TMPRSS12: variants seen among roughly 807,000 people sequenced by gnomAD.
TMPRSS12 encodes the protein transmembrane serine protease 12.
A neutral mutation model predicts 26.0 loss-of-function variants in TMPRSS12; 25 were observed. The observed-to-expected ratio is 0.96, with a 90% confidence interval of 0.70 to 1.34. The LOEUF (loss-of-function observed/expected upper bound fraction) is 1.34. Among genes scored for constraint, TMPRSS12 ranks in the 40% most tolerant of loss-of-function variants. The probability of loss-of-function intolerance (pLI) is 0.00; values close to 1 mark genes in which losing one functional copy is unlikely to be tolerated. For missense variants in TMPRSS12, 441 were observed against 440.1 expected, an observed-to-expected ratio of 1.00 and a Z score of -0.02; for synonymous variants, 150 against 161.7, an observed-to-expected ratio of 0.93 and a Z score of 0.55.
intron 3 of TMPRSS12, 26 bp from the exon 4 acceptor site, chr12:50,885,219 TA>T: frequency 1.3e-6 from 2 of 1,553,972 alleles, no homozygotes; most frequent in East Asian, 4.5e-5. Context: ...TGCTCCAAGA[TA>T]ACTTACTGGT....
intron 3 of TMPRSS12, among the ~76,000 whole-genome samples, chr12:50,873,811 A>T (rs1359340444): frequency 1.3e-5 from 2 of 152,222 alleles, no homozygotes; most frequent in Middle Eastern, 3.2e-3. Context: ...TGTCAGTAGT[A>T]GCAAGACAGA....
At chr12:50,843,338 T>C (rs959040900) in intron 1 of TMPRSS12, among the ~76,000 whole-genome samples, 187 bp downstream of exon 1, 4 of 152,206 alleles carry the variant, frequency 2.6e-5, no homozygotes, top group Admixed American at 2.6e-4. Context: ...ACATTTGTAT[T>C]GTGAATCTGT....
chr12:50,843,386 A>G (rs1937733577), intron 1 of TMPRSS12, among the ~76,000 whole-genome samples: 1 of 152,154 alleles, frequency 6.6e-6, no homozygotes, highest in South Asian at 2.1e-4. Context: ...TATCATCCCC[A>G]TTTTATAGAT....
At chr12:50,879,244 G>A (rs1938141938) in intron 3 of TMPRSS12, among the ~76,000 whole-genome samples, 2 of 152,104 alleles carry the variant, frequency 1.3e-5, no homozygotes, top group Non-Finnish European at 2.9e-5. Context: ...TTGAGTCATT[G>A]GATTAGGCGA....
intron 3 of TMPRSS12, among the ~76,000 whole-genome samples, chr12:50,862,974 C>G (rs888146343): frequency 1.3e-5 from 2 of 151,884 alleles, no homozygotes; most frequent in African/African-American, 4.8e-5. Flanking sequence ...GGGAGGACTG[C>G]TTGAGGCCAG....
chr12:50,874,361 A>G lies in TMPRSS12; in HGVS notation c.653-10885A>G, dbSNP rs1458998267. The stretch of plus-strand genomic sequence containing the variant: ...ATACAGCAACATATAAAAAAGGATT[A>G]TATACACTACCTAGTGGAATTTCTT... On this transcript the variant is annotated intron_variant, in intron 3 of 4. Transcript: ENST00000398458. 3.3e-5 allele frequency among the ~76,000 whole-genome samples: 5 copies of G among 152,180 alleles called. No individual in the cohort carries two copies. In the East Asian group the frequency reaches 9.6e-4, roughly 29 times the overall value.
At chr12:50,855,114 C>T (rs1937863292) in intron 2 of TMPRSS12, among the ~76,000 whole-genome samples, 1 of 152,148 alleles carries the variant, frequency 6.6e-6, no homozygotes, top group African/African-American at 2.4e-5. Flanking sequence ...CAAAAACAGA[C>T]ACACAGACCA....
At chr12:50,864,653 T>C (rs1238865251) in intron 3 of TMPRSS12, among the ~76,000 whole-genome samples, 2 of 152,130 alleles carry the variant, frequency 1.3e-5, no homozygotes, top group Non-Finnish European at 2.9e-5. Flanking sequence ...AATAGACTAT[T>C]GTTTTGTTTT....
chr12:50,861,022 G>A (rs1937929466), intron 3 of TMPRSS12, among the ~76,000 whole-genome samples: 1 of 152,098 alleles, frequency 6.6e-6, no homozygotes, highest in Admixed American at 6.6e-5. Context: ...GGGTTTATAG[G>A]CATGAGCACC....
intron 3 of TMPRSS12, among the ~76,000 whole-genome samples, chr12:50,865,149 T>C (rs1937979148): frequency 6.6e-6 from 1 of 151,976 alleles, no homozygotes. Context: ...CTAGCCAACA[T>C]GGTGAAACCC....
intron 3 of TMPRSS12, among the ~76,000 whole-genome samples, chr12:50,861,884 AT>A (rs953676275): frequency 1.3e-5 from 2 of 150,002 alleles, no homozygotes; most frequent in African/African-American, 4.9e-5. Flanking sequence ...ATCTCGGCTC[AT>A]TGCAACCTTT....
chr12:50,858,109 T>C (rs1044399085), intron 2 of TMPRSS12, among the ~76,000 whole-genome samples: 2 of 152,254 alleles, frequency 1.3e-5, no homozygotes, highest in African/African-American at 4.8e-5. Flanking sequence ...CCCAAAGTGC[T>C]GGGATTACAG....
At chr12:50,886,245 A>G (rs1938225165) in intron 4 of TMPRSS12, 1 of 152,074 alleles carries the variant, frequency 6.6e-6, no homozygotes, top group Non-Finnish European at 1.5e-5. Flanking sequence ...CCCATTCTGT[A>G]GACTGTTTTT....
chr12:50,875,006 T>A (rs949068884), intron 3 of TMPRSS12, among the ~76,000 whole-genome samples: 1 of 152,186 alleles, frequency 6.6e-6, no homozygotes, highest in Non-Finnish European at 1.5e-5. Flanking sequence ...ATAATGTCCA[T>A]ACTGCCCAAA....
intron 2 of TMPRSS12, among the ~76,000 whole-genome samples, chr12:50,853,538 T>G (rs1361661598): frequency 6.8e-6 from 1 of 148,144 alleles, no homozygotes; most frequent in East Asian, 1.9e-4. Context: ...CCAAAAGTTT[T>G]TTGAAAGAAT....
chr12:50,883,425 C>T (rs1938194698), intron 3 of TMPRSS12, among the ~76,000 whole-genome samples: 1 of 152,190 alleles, frequency 6.6e-6, no homozygotes, highest in African/African-American at 2.4e-5. Context: ...TGGTGGTTCA[C>T]ACCTGTAATT....
chr12:50,863,607 A>G (rs998619423), intron 3 of TMPRSS12, among the ~76,000 whole-genome samples: 2 of 152,240 alleles, frequency 1.3e-5, no homozygotes, highest in African/African-American at 4.8e-5. Context: ...GGTATGAACG[A>G]TTGATAGATG....
At chr12:50,849,759 G>C (rs1937807472) in intron 2 of TMPRSS12, among the ~76,000 whole-genome samples, 1 of 151,112 alleles carries the variant, frequency 6.6e-6, no homozygotes, top group African/African-American at 2.4e-5. Context: ...ATTTTATTAA[G>C]ATATAACTTA....
chr12:50,872,764 A>ATGACG lies in TMPRSS12; in HGVS notation c.653-12481_653-12480insGACGT. Reference sequence around the variant, plus strand: ...TATATACGTCTATATATGTACATATATATGACGTATATATGTACATATATA... The same window carrying ATGACG: ...TATATACGTCTATATATGTACATATATGACGTATGACGTATATATGTACATATATA... On this transcript the variant is annotated intron_variant, in intron 3 of 4. Coordinates refer to ENST00000398458, the MANE Select transcript of TMPRSS12 (RefSeq NM_182559.3). Among the ~76,000 whole-genome samples, 3 of 133,212 alleles carry ATGACG rather than the reference A, an allele frequency of 2.3e-5. 1 individual carries two copies. The highest frequency in any genetic ancestry group is 5.6e-5 in the African/African-American group (2 of 35,610). 87.4% of individuals were successfully genotyped at this position (133,212 alleles called of 152,430 possible).
Sources: gnomAD v4.1 joint callset for allele counts (sites outside exome capture counted in the v4.1 genomes callset) on GRCh38, gnomAD v4.1.1 for gene constraint, MANE v1.5 for transcripts, NCBI Gene and HGNC (gene_info 2026-07-23, HGNC 2026-07-21) for gene names.